MYO1D: variants seen among roughly 807,000 people sequenced by gnomAD.
MYO1D encodes the protein myosin ID.
A neutral mutation model predicts 122.0 loss-of-function variants in MYO1D; 83 were observed. The observed-to-expected ratio is 0.68, with a 90% confidence interval of 0.57 to 0.82. The LOEUF (loss-of-function observed/expected upper bound fraction) is 0.82, where lower values mean the gene tolerates loss of function less well. Among genes scored for constraint, MYO1D ranks in the 40% least tolerant of loss-of-function variants. The probability of loss-of-function intolerance (pLI) is 0.00; values close to 1 mark genes in which losing one functional copy is unlikely to be tolerated. For missense variants in MYO1D, 1,157 were observed against 1,269.5 expected, an observed-to-expected ratio of 0.91 and a Z score of 1.35; for synonymous variants, 464 against 446.9, an observed-to-expected ratio of 1.04 and a Z score of -0.48.
At chr17:32,523,191 G>T (rs1910218622) in intron 21 of MYO1D, among the ~76,000 whole-genome samples, 1 of 152,188 alleles carries the variant, frequency 6.6e-6, no homozygotes, top group Non-Finnish European at 1.5e-5. Context: ...AAGAGGATCA[G>T]GTAGGACTCA....
intron 21 of MYO1D, among the ~76,000 whole-genome samples, chr17:32,516,873 A>G (rs960257583): frequency 6.6e-6 from 1 of 152,228 alleles, no homozygotes; most frequent in African/African-American, 2.4e-5. Flanking sequence ...CATTTTCCCA[A>G]GATTTACTCC....
At chr17:32,823,839 G>A (rs937471208) in intron 1 of MYO1D, among the ~76,000 whole-genome samples, 3 of 151,998 alleles carry the variant, frequency 2.0e-5, no homozygotes, top group Non-Finnish European at 2.9e-5. Context: ...AGGCTGAGGC[G>A]GGTGGATCAA....
chr17:32,553,881 C>A (rs225186), intron 21 of MYO1D, among the ~76,000 whole-genome samples: 100,266 of 151,998 alleles, frequency 0.66, 33,405 homozygotes, highest in East Asian at 0.8. Context: ...CCAGGCTCCC[C>A]GTTCTCACTG....
chr17:32,832,270 C>T (rs1014254671), intron 1 of MYO1D, among the ~76,000 whole-genome samples: 6 of 151,484 alleles, frequency 4.0e-5, no homozygotes, highest in Non-Finnish European at 8.8e-5. Flanking sequence ...CACCACCACA[C>T]CTGACTAATT....
At chr17:32,645,006 A>C (rs2088267072) in intron 19 of MYO1D, among the ~76,000 whole-genome samples, 1 of 152,154 alleles carries the variant, frequency 6.6e-6, no homozygotes, top group South Asian at 2.1e-4. Flanking sequence ...TCTTCCTAGC[A>C]TCGATGGCTT....
intron 21 of MYO1D, among the ~76,000 whole-genome samples, chr17:32,547,352 T>C (rs2086972387): frequency 6.6e-6 from 1 of 152,242 alleles, no homozygotes; most frequent in African/African-American, 2.4e-5. Flanking sequence ...TGTTTCATGA[T>C]TTAAATTAAT....
chr17:32,535,590 A>G (rs1479546054), intron 21 of MYO1D, among the ~76,000 whole-genome samples: 1 of 152,150 alleles, frequency 6.6e-6, no homozygotes, highest in African/African-American at 2.4e-5. Flanking sequence ...TACTAAAAAC[A>G]CACACAAAAA....
chr17:32,568,296 T>C (rs984039734), intron 21 of MYO1D, among the ~76,000 whole-genome samples: 2 of 151,398 alleles, frequency 1.3e-5, no homozygotes, highest in African/African-American at 2.4e-5. Flanking sequence ...GTTCAAAAAA[T>C]TGTCATTGGA....
At chr17:32,542,863 A>G (rs888776135) in intron 21 of MYO1D, among the ~76,000 whole-genome samples, 4 of 152,142 alleles carry the variant, frequency 2.6e-5, no homozygotes, top group African/African-American at 9.7e-5. Context: ...TTTGGGGAGC[A>G]TAGCCTACAG....
chr17:32,637,288 C>A (rs553252006), intron 20 of MYO1D, among the ~76,000 whole-genome samples: 1 of 152,314 alleles, frequency 6.6e-6, no homozygotes, highest in South Asian at 2.1e-4. Flanking sequence ...ATCTTCATCT[C>A]CTACTTCAAG....
intron 1 of MYO1D, among the ~76,000 whole-genome samples, chr17:32,818,711 ATCTC>A (rs2090635134): frequency 6.6e-6 from 1 of 152,182 alleles, no homozygotes; most frequent in Non-Finnish European, 1.5e-5. Context: ...AAGGGGTCAG[ATCTC>A]TCTAAGCCTG....
At chr17:32,727,633 AG>A (rs2089592412) in intron 14 of MYO1D, 1 of 152,238 alleles carries the variant, frequency 6.6e-6, no homozygotes, top group South Asian at 2.1e-4. Context: ...AAAGAAATAC[AG>A]AAAAAAAGAA....
chr17:32,706,657 C>T (rs1038184778), intron 16 of MYO1D, among the ~76,000 whole-genome samples: 11 of 152,062 alleles, frequency 7.2e-5, no homozygotes, highest in Admixed American at 2.6e-4. Flanking sequence ...GCTAGTTATT[C>T]GCCTGGGACA....
intron 13 of MYO1D, among the ~76,000 whole-genome samples, chr17:32,739,150 A>C (rs1031803721): frequency 1.3e-5 from 2 of 152,052 alleles, no homozygotes; most frequent in African/African-American, 4.8e-5. Flanking sequence ...GGTGCTTTTG[A>C]TGTTAAAGCA....
intron 21 of MYO1D, among the ~76,000 whole-genome samples, chr17:32,541,950 C>T (rs114382141): frequency 2.0e-5 from 3 of 152,154 alleles, no homozygotes; most frequent in African/African-American, 7.2e-5. Flanking sequence ...TAACTTCACC[C>T]GGCTAATTCC....
chr17:32,865,979 A>G (rs148035567), intron 1 of MYO1D, among the ~76,000 whole-genome samples: 2 of 152,348 alleles, frequency 1.3e-5, no homozygotes, highest in Middle Eastern at 3.4e-3. Flanking sequence ...GAAAACCATG[A>G]TTAGAGTCAT....
intron 1 of MYO1D, among the ~76,000 whole-genome samples, chr17:32,834,898 G>A (rs1462587318): frequency 1.3e-5 from 2 of 152,176 alleles, no homozygotes; most frequent in Non-Finnish European, 2.9e-5. Flanking sequence ...TGTAGTCCCA[G>A]CTACTCGGGA....
intron 16 of MYO1D, among the ~76,000 whole-genome samples, chr17:32,660,599 C>A (rs1195480408): frequency 6.6e-6 from 1 of 152,266 alleles, no homozygotes; most frequent in Admixed American, 6.5e-5. Flanking sequence ...ATCAAGGGAC[C>A]CCAATGGGTC....
chr17:32,698,350 C>T, intron 16 of MYO1D, among the ~76,000 whole-genome samples: 1 of 126,750 alleles, frequency 7.9e-6, no homozygotes, highest in East Asian at 2.6e-4. Context: ...TCCTCCCTCC[C>T]TCTCTTCCCC....
Sources: gnomAD v4.1 joint callset for allele counts (sites outside exome capture counted in the v4.1 genomes callset) on GRCh38, gnomAD v4.1.1 for gene constraint, MANE v1.5 for transcripts, NCBI Gene and HGNC (gene_info 2026-07-23, HGNC 2026-07-21) for gene names.